Variants in HUWE1 observed in about 807,000 individuals in gnomAD.
The protein encoded by HUWE1 is E3 ubiquitin-protein ligase HUWE1.
In HUWE1, 18 loss-of-function variants were observed where a neutral mutation model predicts 299.4. The observed-to-expected ratio is 0.06, with a 90% CI of 0.04 to 0.09. HUWE1 has a LOEUF of 0.09. Among genes scored for constraint, HUWE1 ranks in the 10% least tolerant of loss-of-function variants. The pLI, the probability that HUWE1 is intolerant of heterozygous loss-of-function variation, is 1.00. For missense variants in HUWE1, 1,832 were observed against 3,462.3 expected (o/e 0.53, Z 11.82); for synonymous variants, 1,317 against 1,286.1 (o/e 1.02, Z -0.51).
chrX:53,660,845 C>T (rs1331456002), intron 3 of HUWE1, among the ~76,000 whole-genome samples: 2 of 108,384 alleles, frequency 1.8e-5, no homozygotes, highest in Non-Finnish European at 1.9e-5. Context: ...TTGAGACATG[C>T]TACCTAGGGA....
At chrX:53,589,005 CTTTT>C (rs1316487005) in intron 36 of HUWE1, among the ~76,000 whole-genome samples, 1 of 112,393 alleles carries the variant, frequency 8.9e-6, no homozygotes, top group Non-Finnish European at 1.9e-5. Flanking sequence ...AAAGTTTTCC[CTTTT>C]TTAATTTCTT....
intron 57 of HUWE1, 49 bp downstream of exon 57, chrX:53,559,305 A>G: frequency 8.6e-7 from 1 of 1,165,024 alleles, no homozygotes. Context: ...CAGCAGGGAA[A>G]AAGTAGAATC....
intron 44 of HUWE1, 30 bp downstream of exon 44, chrX:53,576,870 C>A (rs781878356): frequency 1.7e-6 from 2 of 1,207,409 alleles, no homozygotes; most frequent in Non-Finnish European, 2.2e-6. Context: ...CCTCTAGTGC[C>A]CAGCCTCCTG....
At position 53,560,350 on chromosome X, in the gene HUWE1, T is replaced by C. The variant is rs1282250817; in HGVS notation, c.7574A>G (p.His2525Arg). The C allele has an allele frequency of 8.3e-7, 1 of 1,209,702 alleles. No individual in the cohort carries two copies. Among genetic ancestry groups the C allele is most frequent in the Non-Finnish European group, 1.1e-6 (1 of 895,157 alleles). Residue 2525 changes from histidine to arginine, a missense_variant, in exon 56 of 84, where the codon CAC (histidine) becomes CGC (arginine). This residue lies in a region of HUWE1 where 170 missense variants were observed against 335.8 expected (regional missense o/e 0.51). Coordinates refer to ENST00000262854, the MANE Select transcript of HUWE1 (RefSeq NM_031407.7). ...GCCACTGCCCAGTGTCAGAGAACTGTGGTCTGCATGGCGCACCATCAGTGG... is the reference window on the plus strand; with the variant it reads ...GCCACTGCCCAGTGTCAGAGAACTGCGGTCTGCATGGCGCACCATCAGTGG... ...THPLMVRHAD[H>R]SSLTLGSGSS...
intron 18 of HUWE1, 76 bp downstream of exon 18, chrX:53,625,081 G>A: frequency 3.0e-6 from 2 of 656,504 alleles, no homozygotes; most frequent in Non-Finnish European, 2.6e-6. Flanking sequence ...AACAACAGGT[G>A]CCAGAATAGT....
At chrX:53,576,137 G>A (rs2063094288) in intron 44 of HUWE1, among the ~76,000 whole-genome samples, 1 of 111,997 alleles carries the variant, frequency 8.9e-6, no homozygotes, top group Non-Finnish European at 1.9e-5. Flanking sequence ...ATTCTGGGGT[G>A]ATAGGAGAAC....
chrX:53,630,298 A>G (rs2066786318), intron 12 of HUWE1, among the ~76,000 whole-genome samples: 1 of 112,230 alleles, frequency 8.9e-6, no homozygotes. Context: ...ATGAACATCA[A>G]TAATAACAGC....
At position 53,533,011 on chromosome X, in the gene HUWE1, G is replaced by A. The variant is rs1448506489; in HGVS notation, c.*298C>T. 1.0e-5 allele frequency: 3 copies of A among 298,230 alleles called. No individual in the cohort carries two copies. The highest frequency in any genetic ancestry group is 8.1e-5 in the African/African-American group (3 of 37,228). 24.6% of individuals were successfully genotyped at this position (298,230 alleles called of 1,213,427 possible). On this transcript the variant is annotated 3_prime_UTR_variant, in exon 84 of 84. Transcript: ENST00000262854. ...GAACACAGAATCTGAGGAGCACACT[G>A]TTCAAACAGTTGGGACAGACAGGTC...
At chrX:53,657,155 A>G (rs1485536456) in intron 3 of HUWE1, among the ~76,000 whole-genome samples, 3 of 112,597 alleles carry the variant, frequency 2.7e-5, no homozygotes, top group Non-Finnish European at 5.6e-5. Context: ...TCAACAGTGA[A>G]AAGTCAAACA....
intron 44 of HUWE1, 146 bp from the exon 45 acceptor site, chrX:53,575,934 G>T: frequency 1.7e-6 from 1 of 588,241 alleles, no homozygotes; most frequent in Non-Finnish European, 2.7e-6. Context: ...ATGTTAGAGT[G>T]CCTCACCCTA....
chrX:53,587,559 A>G (rs1222757663), intron 37 of HUWE1, among the ~76,000 whole-genome samples: 1 of 112,186 alleles, frequency 8.9e-6, no homozygotes, highest in East Asian at 2.8e-4. Flanking sequence ...AGAAAATACA[A>G]GACTGTTACT....
chrX:53,661,193 C>T (rs1477583453), intron 3 of HUWE1, among the ~76,000 whole-genome samples: 5 of 110,417 alleles, frequency 4.5e-5, no homozygotes, highest in African/African-American at 9.9e-5. Context: ...CGCCACCACA[C>T]CCAGCTAATT....
intron 2 of HUWE1, among the ~76,000 whole-genome samples, chrX:53,681,202 G>A (rs977373933): frequency 2.7e-5 from 3 of 110,516 alleles, no homozygotes; most frequent in African/African-American, 6.6e-5. Context: ...TTGGGAGGCC[G>A]AGGCGGGCGG....
chrX:53,559,199 A>G, intron 57 of HUWE1, 139 bp from the exon 58 acceptor site: 2 of 779,872 alleles, frequency 2.6e-6, no homozygotes, highest in Non-Finnish European at 3.9e-6. Context: ...ACCTAGAGAC[A>G]ATAAAGTTTT....
At chrX:53,545,553 A>G (rs1444828867) in intron 70 of HUWE1, among the ~76,000 whole-genome samples, 2 of 111,803 alleles carry the variant, frequency 1.8e-5, no homozygotes, top group African/African-American at 3.3e-5. Context: ...GGATGGGAAT[A>G]TTACTGCCTA....
At chrX:53,583,166 T>C (rs1556969582) in intron 42 of HUWE1, among the ~76,000 whole-genome samples, 1 of 110,678 alleles carries the variant, frequency 9.0e-6, no homozygotes, top group East Asian at 2.8e-4. Flanking sequence ...TATTCCAAAA[T>C]ACAGTGTTTT....
intron 40 of HUWE1, among the ~76,000 whole-genome samples, 184 bp from the exon 41 acceptor site, chrX:53,584,529 C>A (rs1271494756): frequency 9.0e-6 from 1 of 111,415 alleles, no homozygotes; most frequent in Non-Finnish European, 1.9e-5. Context: ...ATACACAAGG[C>A]CTTATAATGA....
intron 76 of HUWE1, 81 bp from the exon 77 acceptor site, chrX:53,538,535 C>A: frequency 1.5e-6 from 1 of 653,174 alleles, no homozygotes; most frequent in South Asian, 2.4e-5. Flanking sequence ...TAGCAACTCT[C>A]TCTTCCTTCC....
chrX:53,604,487 C>T (rs1430338307), intron 26 of HUWE1, 102 bp downstream of exon 26: 1 of 975,688 alleles, frequency 1.0e-6, no homozygotes, highest in African/African-American at 1.9e-5. Flanking sequence ...TAGCTGCTAC[C>T]TCAGGCAGAC....
Sources: gnomAD v4.1 joint callset for allele counts (sites outside exome capture counted in the v4.1 genomes callset) on GRCh38, gnomAD v4.1.1 for gene constraint, gnomAD v4.1.1 regional missense constraint, MANE v1.5 for transcripts, NCBI Gene and HGNC (gene_info 2026-07-23, HGNC 2026-07-21) for gene names.